ZC3H12B: variants seen among roughly 807,000 people sequenced by gnomAD.
The protein encoded by ZC3H12B is zinc finger CCCH-type containing 12B, also known as probable ribonuclease ZC3H12B.
In ZC3H12B, 7 loss-of-function variants were observed where a neutral mutation model predicts 43.9. The observed-to-expected ratio is 0.16, with a 90% CI of 0.09 to 0.30. The LOEUF (loss-of-function observed/expected upper bound fraction) is 0.30. ZC3H12B is among the 10% of genes least tolerant of loss of function. ZC3H12B has a pLI of 1.00. For missense variants in ZC3H12B, 475 were observed against 670.2 expected, an observed-to-expected ratio of 0.71 and a Z score of 3.22; for synonymous variants, 222 against 241.7, an observed-to-expected ratio of 0.92 and a Z score of 0.76.
the ZC3H12B span, among the ~76,000 whole-genome samples, chrX:65,124,356 A>G: frequency 9.0e-6 from 1 of 110,987 alleles, no homozygotes; most frequent in East Asian, 2.8e-4. Context: ...ATTATGGTAG[A>G]TTATCTTTTT....
chrX:65,179,058 C>T, the ZC3H12B span, among the ~76,000 whole-genome samples: 2 of 111,939 alleles, frequency 1.8e-5, no homozygotes, highest in East Asian at 5.6e-4. Flanking sequence ...TACATATACA[C>T]CATGGAATAC....
the ZC3H12B span, among the ~76,000 whole-genome samples, chrX:65,286,722 G>C: frequency 3.7e-5 from 4 of 109,113 alleles, no homozygotes; most frequent in African/African-American, 1.3e-4. Context: ...TATATACATA[G>C]GTGTATATAT....
At chrX:65,371,195 C>A (rs2066239988) in intron 2 of ZC3H12B, among the ~76,000 whole-genome samples, 1 of 112,042 alleles carries the variant, frequency 8.9e-6, no homozygotes, top group African/African-American at 3.2e-5. Context: ...TTATAATACA[C>A]ATTCACTTAC....
chrX:65,137,443 T>C, the ZC3H12B span, among the ~76,000 whole-genome samples: 1 of 112,158 alleles, frequency 8.9e-6, no homozygotes, highest in East Asian at 2.8e-4. Flanking sequence ...TAGTTCGTTA[T>C]GATGAAATTC....
At chrX:65,114,953 C>G in the ZC3H12B span, among the ~76,000 whole-genome samples, 46 of 59,597 alleles carry the variant, frequency 7.7e-4, no homozygotes, top group Non-Finnish European at 1.1e-3. Flanking sequence ...TTACTTTCCA[C>G]AAATGTTTAC....
the ZC3H12B span, among the ~76,000 whole-genome samples, chrX:65,286,644 T>C: frequency 1.8e-5 from 2 of 110,836 alleles, no homozygotes; most frequent in South Asian, 7.6e-4. Context: ...ATACATATAT[T>C]CTTCAGAAAT....
At chrX:65,059,273 G>C in the ZC3H12B span, among the ~76,000 whole-genome samples, 1 of 98,256 alleles carries the variant, frequency 1.0e-5, no homozygotes, top group Non-Finnish European at 2.0e-5. Context: ...GCGCTTGTGC[G>C]GTATTGCTCA....
At chrX:65,037,882 C>T in the ZC3H12B span, among the ~76,000 whole-genome samples, 1 of 110,775 alleles carries the variant, frequency 9.0e-6, no homozygotes, top group East Asian at 2.8e-4. Flanking sequence ...ATGTCAGAGT[C>T]CCACAAATTC....
At chrX:65,158,120 G>C in the ZC3H12B span, among the ~76,000 whole-genome samples, 3 of 108,509 alleles carry the variant, frequency 2.8e-5, no homozygotes, top group Non-Finnish European at 5.7e-5. Flanking sequence ...TTTTATGGCT[G>C]CATAGTATTC....
chrX:65,455,454 C>T (rs2067593844), intron 3 of ZC3H12B, among the ~76,000 whole-genome samples: 2 of 111,792 alleles, frequency 1.8e-5, no homozygotes, highest in Non-Finnish European at 3.8e-5. Flanking sequence ...ACGAATAAAG[C>T]CTCCAGGAAA....
At chrX:65,217,217 A>T in the ZC3H12B span, among the ~76,000 whole-genome samples, 1 of 112,366 alleles carries the variant, frequency 8.9e-6, no homozygotes, top group East Asian at 2.8e-4. Context: ...AATCTGCATG[A>T]GTCGCAGTGT....
chrX:65,121,024 T>G, the ZC3H12B span, among the ~76,000 whole-genome samples: 1 of 111,147 alleles, frequency 9.0e-6, no homozygotes, highest in Admixed American at 9.6e-5. Flanking sequence ...TGGATAAGCT[T>G]TTTGATGTAC....
the ZC3H12B span, among the ~76,000 whole-genome samples, chrX:65,292,931 C>T: frequency 2.1e-4 from 23 of 111,996 alleles, no homozygotes; most frequent in Admixed American, 1.9e-3. Flanking sequence ...CTGTAATGAG[C>T]CATGACTGTG....
intron 2 of ZC3H12B, among the ~76,000 whole-genome samples, chrX:65,386,957 T>G (rs1441829188): frequency 1.3e-4 from 15 of 112,032 alleles, no homozygotes; most frequent in Non-Finnish European, 2.4e-4. Flanking sequence ...TGAGCGATTT[T>G]GAGTGAGTTT....
the ZC3H12B span, among the ~76,000 whole-genome samples, chrX:65,213,602 G>A: frequency 9.0e-6 from 1 of 110,821 alleles, no homozygotes. Context: ...TCTGATGGGA[G>A]GCTCCACCTT....
intron 2 of ZC3H12B, among the ~76,000 whole-genome samples, chrX:65,393,219 T>C (rs1370502424): frequency 5.4e-5 from 6 of 110,670 alleles, no homozygotes; most frequent in Non-Finnish European, 3.8e-5. Flanking sequence ...TCCCCCTCTC[T>C]GAGAAACACC....
Position 65,494,192 on chromosome X carries a change from A to G in ZC3H12B, c.609-2940A>G, listed in dbSNP as rs989665686. Among the ~76,000 whole-genome samples the G allele has an allele frequency of 8.1e-5, 9 of 110,802 alleles. No homozygotes were observed. In the East Asian group the frequency reaches 2.5e-3, roughly 31 times the overall value. ...TTGGATTTTGGAGTTTTTTTTCTTT[A>G]TATTTTATGTATTTTCCACGTTTTA... On this transcript the variant is annotated intron_variant, in intron 1 of 4. Coordinates refer to ENST00000338957, the Ensembl canonical transcript of ZC3H12B.
the ZC3H12B span, among the ~76,000 whole-genome samples, chrX:65,230,506 C>T: frequency 5.7e-5 from 6 of 106,134 alleles, no homozygotes; most frequent in Non-Finnish European, 1.2e-4. Context: ...GCACATTGTG[C>T]ACATGTACCC....
chrX:65,357,734 A>G, the ZC3H12B span, among the ~76,000 whole-genome samples: 1 of 112,051 alleles, frequency 8.9e-6, no homozygotes, highest in Non-Finnish European at 1.9e-5. Context: ...GTCACTGCAA[A>G]AACACATCAA....
Sources: allele counts gnomAD v4.1 joint callset (sites outside exome capture counted in the v4.1 genomes callset), GRCh38; gene constraint gnomAD v4.1.1; transcripts MANE v1.5; gene names NCBI Gene and HGNC (gene_info 2026-07-23, HGNC 2026-07-21).